Variants in DOCK5 observed in about 807,000 individuals in gnomAD.
DOCK5 encodes the protein dedicator of cytokinesis protein 5.
Under a neutral mutation model 251.8 loss-of-function variants are expected in DOCK5, and 142 were observed. That is an observed-to-expected ratio of 0.56 (90% CI 0.49 to 0.65). DOCK5 has a LOEUF of 0.65. Among genes scored for constraint, DOCK5 ranks in the 30% least tolerant of loss-of-function variants. DOCK5 has a pLI of 0.00. For synonymous variants in DOCK5, 842 were observed against 835.5 expected (o/e 1.01, Z -0.13); for missense variants, 2,111 against 2,312.3 (o/e 0.91, Z 1.79).
intron 45 of DOCK5, 145 bp from the exon 46 acceptor site, chr8:25,399,766 A>C (rs1300145133): frequency 1.6e-6 from 1 of 624,368 alleles, no homozygotes; most frequent in African/African-American, 1.8e-5. Flanking sequence ...TGTCCAACAT[A>C]GTATAAGAGC....
At chr8:25,295,022 A>T (rs183077519) in intron 6 of DOCK5, among the ~76,000 whole-genome samples, 1 of 152,310 alleles carries the variant, frequency 6.6e-6, no homozygotes, top group Non-Finnish European at 1.5e-5. Context: ...ATTGGGGTGA[A>T]TGTGAGATTT....
At chr8:25,244,240 A>G (rs1227151286) in intron 2 of DOCK5, among the ~76,000 whole-genome samples, 1 of 152,210 alleles carries the variant, frequency 6.6e-6, no homozygotes, top group African/African-American at 2.4e-5. Context: ...GCCTGATTGT[A>G]TATCTCCTTC....
At chr8:25,400,300 A>G (rs749092123) in intron 46 of DOCK5, among the ~76,000 whole-genome samples, 3 of 152,016 alleles carry the variant, frequency 2.0e-5, no homozygotes, top group Non-Finnish European at 4.4e-5. Flanking sequence ...GGAGTTCCAG[A>G]CCAGCCTGGC....
intron 31 of DOCK5, among the ~76,000 whole-genome samples, chr8:25,367,644 C>T (rs1800799822): frequency 6.6e-6 from 1 of 152,182 alleles, no homozygotes; most frequent in East Asian, 1.9e-4. Flanking sequence ...AAACTGCCTA[C>T]ATATACAAAA....
intron 34 of DOCK5, 121 bp downstream of exon 34, chr8:25,369,762 CT>C: frequency 1.3e-6 from 1 of 740,836 alleles, no homozygotes; most frequent in South Asian, 1.8e-5. Flanking sequence ...GCCACCCCCA[CT>C]GTGGTCTTCA....
At chr8:25,257,229 G>T (rs991371048) in intron 2 of DOCK5, among the ~76,000 whole-genome samples, 1 of 152,114 alleles carries the variant, frequency 6.6e-6, no homozygotes, top group East Asian at 1.9e-4. Context: ...TGTACCTTCC[G>T]TGTCTGACAT....
At chr8:25,259,956 C>G (rs1420779379) in intron 2 of DOCK5, among the ~76,000 whole-genome samples, 1 of 152,210 alleles carries the variant, frequency 6.6e-6, no homozygotes, top group East Asian at 1.9e-4. Context: ...AACTTATTTT[C>G]AAAAGCCCCA....
chr8:25,258,147 G>A (rs555747912), intron 2 of DOCK5, among the ~76,000 whole-genome samples: 1 of 152,050 alleles, frequency 6.6e-6, no homozygotes, highest in South Asian at 2.1e-4. Flanking sequence ...AGGTTTCCTT[G>A]TTTTGCAGTG....
chr8:25,321,130 G>T, intron 16 of DOCK5, 78 bp downstream of exon 16: 1 of 1,235,960 alleles, frequency 8.1e-7, no homozygotes, highest in African/African-American at 1.5e-5. Context: ...TGTGAAGCTG[G>T]AGAACAAGAT....
At chr8:25,262,037 G>C (rs2117584974) in intron 2 of DOCK5, among the ~76,000 whole-genome samples, 1 of 152,282 alleles carries the variant, frequency 6.6e-6, no homozygotes, top group South Asian at 2.1e-4. Context: ...TCCCATTGAT[G>C]TACATTTTGA....
intron 5 of DOCK5, among the ~76,000 whole-genome samples, chr8:25,285,976 G>T (rs1804320181): frequency 6.6e-6 from 1 of 152,144 alleles, no homozygotes; most frequent in African/African-American, 2.4e-5. Flanking sequence ...CTGGCTGTCA[G>T]GATTTCTTTT....
intron 28 of DOCK5, among the ~76,000 whole-genome samples, chr8:25,361,571 G>A (rs1277704647): frequency 1.3e-5 from 2 of 152,176 alleles, no homozygotes; most frequent in East Asian, 1.9e-4. Context: ...TCGAGATTGT[G>A]CCGCTGCACT....
intron 22 of DOCK5, among the ~76,000 whole-genome samples, chr8:25,336,816 G>T (rs1344211352): frequency 6.6e-6 from 1 of 152,102 alleles, no homozygotes; most frequent in Admixed American, 6.6e-5. Flanking sequence ...TTCCCTGTTT[G>T]GATTTCTAGC....
At position 25,377,318 on chromosome 8, in the gene DOCK5, C is replaced by T. The variant is rs1363550019; in HGVS notation, c.3830C>T (p.Pro1277Leu). 1 of 1,612,518 alleles carries T rather than the reference C, an allele frequency of 6.2e-7. No homozygotes were observed. Among genetic ancestry groups the T allele is most frequent in the Non-Finnish European group, 8.5e-7 (1 of 1,179,150 alleles). ...CTTCCTTTTCAGTGGTCTGACAAGC[C>T]CTGTGTGCCTCATTTGCTTCAGAAG... ...HAELLQWSDK[P>L]CVPHLLQKDS... The change falls in exon 38 of 52, where the codon CCC becomes CTC. Residue 1277 changes from proline (P) to leucine (L), a missense_variant. By Grantham distance (98) the Pro-to-Leu change is moderately conservative (BLOSUM62 -3). This residue lies in a region of DOCK5 where 1,717 missense variants were observed against 1,892.4 expected (regional missense o/e 0.91). Transcript: ENST00000276440.
intron 51 of DOCK5, among the ~76,000 whole-genome samples, chr8:25,410,972 T>TGTGCGC (rs1331552371): frequency 5.2e-5 from 1 of 19,168 alleles, no homozygotes; most frequent in African/African-American, 1.5e-4. Flanking sequence ...TGTGTGTGTG[T>TGTGCGC]GCGCGCGCGC....
Position 25,351,817 on chromosome 8 carries a change from T to C in DOCK5, c.2841T>C (p.Ser947=). The C allele has an allele frequency of 6.2e-7, 1 of 1,613,610 alleles. No homozygotes were observed. The highest frequency in any genetic ancestry group is 8.5e-7 in the Non-Finnish European group (1 of 1,179,726). ...CAGTGATTGGGATGAACCGGCAGTC[T>C]CCCCACATCGTGAGTATCTCTTTGT... ...NRTVIGMNRQ[S]PHIGSFVACM... The change falls in exon 27 of 52, where the codon TCT becomes TCC. Residue 947 remains serine (S), a synonymous_variant. Coordinates refer to ENST00000276440, the MANE Select transcript of DOCK5 (RefSeq NM_024940.8).
At chr8:25,282,280 C>G (rs1267552623) in intron 5 of DOCK5, among the ~76,000 whole-genome samples, 1 of 151,560 alleles carries the variant, frequency 6.6e-6, no homozygotes, top group Admixed American at 6.6e-5. Flanking sequence ...TAACTTGAGG[C>G]AGAACTTCTG....
chr8:25,281,583 T>C (rs898490888), intron 5 of DOCK5, among the ~76,000 whole-genome samples: 16 of 146,120 alleles, frequency 1.1e-4, no homozygotes, highest in African/African-American at 4.0e-4. Flanking sequence ...CAGAATTTGG[T>C]TAAAAAAAAA....
At chr8:25,371,007 C>G (rs1800863579) in intron 34 of DOCK5, among the ~76,000 whole-genome samples, 1 of 151,996 alleles carries the variant, frequency 6.6e-6, no homozygotes, top group South Asian at 2.1e-4. Flanking sequence ...TACTCTAGAC[C>G]ATTGCTTTCT....
Sources: gnomAD v4.1 joint callset for allele counts (sites outside exome capture counted in the v4.1 genomes callset) on GRCh38, gnomAD v4.1.1 for gene constraint, gnomAD v4.1.1 regional missense constraint, MANE v1.5 for transcripts, NCBI Gene and HGNC (gene_info 2026-07-23, HGNC 2026-07-21) for gene names.